Variants in P3H1 observed in about 807,000 individuals in gnomAD.
P3H1 encodes the protein growth suppressor 1.
In P3H1, 69 loss-of-function variants were observed where a neutral mutation model predicts 84.0. The ratio of observed to expected loss-of-function variants is 0.82; its 90% CI spans 0.68 to 1.00. The LOEUF is 1.00. Among genes scored for constraint, P3H1 ranks in the 50% least tolerant of loss-of-function variants. P3H1 has a pLI of 0.00. For synonymous variants in P3H1, 366 were observed against 388.8 expected (o/e 0.94, Z 0.69); for missense variants, 878 against 962.8 (o/e 0.91, Z 1.17).
rs1259420483 is a variant in P3H1, at chr1:42,766,659, G to A, written c.313C>T (p.Arg105Cys). ...AGGCCCCCGAAGAAGCTCAGGTCGC[G>A]CAGGGCGGCGGCGCCCGAGGCCTGG... is the stretch of plus-strand genomic sequence containing the variant. The part of the protein sequence containing the change: ...PAQASGAAAL[R>C]DLSFFGGLLR... The change falls in exon 1 of 15, where the codon CGC becomes TGC. Residue 105 changes from arginine (R) to cysteine (C), a missense_variant. Coordinates refer to ENST00000296388, the MANE Select transcript of P3H1 (RefSeq NM_022356.4). 2 of 1,552,894 alleles carry A rather than the reference G, an allele frequency of 1.3e-6. No homozygotes were observed. The highest frequency in any genetic ancestry group is 1.4e-5 in the African/African-American group (1 of 73,086).
rs775108203 is a variant in P3H1, at chr1:42,757,861, G to A, written c.1002C>T (p.Asp334=). Residue 334 remains aspartate (D), a synonymous_variant, in exon 5 of 15, where the codon GAC becomes GAT. Coordinates refer to ENST00000296388, the MANE Select transcript of P3H1 (RefSeq NM_022356.4). ...AGGCCAAATTTTGGTTCATCACCTC[G>A]TCATTGGGGAAGAAGAGAAGATAGG... ...AKTYLLFFPN[D]EVMNQNLAYY... is the part of the protein sequence containing the mutation. 6.8e-6 allele frequency: 11 copies of A among 1,614,158 alleles called. No individual in the cohort carries two copies. The highest frequency in any genetic ancestry group is 2.7e-5 in the African/African-American group (2 of 75,022).
intron 10 of P3H1, among the ~76,000 whole-genome samples, chr1:42,750,709 G>C (rs1233987710): frequency 8.5e-6 from 1 of 118,162 alleles, no homozygotes. Flanking sequence ...TCAGCCCCCC[G>C]CCCGGCCGGC....
chr1:42,763,672 C>CAAAAAAA (rs766034061), intron 1 of P3H1, among the ~76,000 whole-genome samples: 6 of 41,524 alleles, frequency 1.4e-4, no homozygotes, highest in Non-Finnish European at 2.0e-4. Flanking sequence ...ACTCTTGTCT[C>CAAAAAAA]AAAAAAAAAA....
Position 42,754,923 on chromosome 1 carries a change from G to A in P3H1, c.1291C>T (p.Leu431Phe). 1.2e-6 allele frequency: 2 copies of A among 1,614,170 alleles called. No homozygotes were observed. The highest frequency in any genetic ancestry group is 8.5e-7 in the Non-Finnish European group (1 of 1,180,032). ...IGNLMKEIET[L>F]VEEKTKESLD... ...GACTCCTTGGTCTTCTCTTCCACAA[G>A]GGTCTCGATTTCCTTCATAAGGTTC... Residue 431 changes from leucine (L) to phenylalanine (F), a missense_variant, in exon 8 of 15, where the codon CTT becomes TTT. Physicochemically the swap from Leu to Phe is conservative, Grantham distance 22. Coordinates refer to ENST00000296388, the MANE Select transcript of P3H1 (RefSeq NM_022356.4). The surrounding 1 kb of genome is among the most constrained non-coding windows in gnomAD (Gnocchi z 4.0).
Position 42,766,638 on chromosome 1 carries a change from C to T in P3H1, c.334G>A (p.Gly112Ser), listed in dbSNP as rs760615294. 44 of 1,588,116 alleles carry T rather than the reference C, an allele frequency of 2.8e-5. No homozygotes were observed. In the South Asian group the frequency reaches 3.1e-4, roughly 11 times the overall value. The change falls in exon 1 of 15, where the codon GGC becomes AGC. Residue 112 changes from glycine (G) to serine (S), a missense_variant. By Grantham distance (56) the Gly-to-Ser change is moderately conservative. Transcript: ENST00000296388. ...AGGCAGGCAGCGCGACGCAGAAGGC[C>T]CCCGAAGAAGCTCAGGTCGCGCAGG... ...AALRDLSFFG[G>S]LLRRAACLRR... is the part of the protein sequence containing the mutation.
chr1:42,750,586 GCCGCCC>G (rs1651983049), intron 10 of P3H1, among the ~76,000 whole-genome samples: 3 of 150,042 alleles, frequency 2.0e-5, no homozygotes, highest in African/African-American at 7.4e-5. Context: ...CCTCTGCCCG[GCCGCCC>G]CTACTGGGAA....
chr1:42,752,340 C>T lies in P3H1; in HGVS notation c.1503G>A (p.Arg501=), dbSNP rs1468468453. 1 of 1,614,166 alleles carries T rather than the reference C, an allele frequency of 6.2e-7. No homozygotes were observed. Among genetic ancestry groups the T allele is most frequent in the Non-Finnish European group, 8.5e-7 (1 of 1,180,048 alleles). The change falls in exon 10 of 15, where the codon CGG becomes CGA. Residue 501 remains arginine (R), a synonymous_variant. Coordinates refer to ENST00000296388, the MANE Select transcript of P3H1 (RefSeq NM_022356.4). ...NVAATSGDGY[R]GQTSPHTPNE... is the part of the protein sequence containing the mutation. The stretch of plus-strand genomic sequence containing the variant: ...TGGGAGTATGTGGGGAGGTCTGACC[C>T]CGGTAGCCATCTCCTGAGGTTGCTG...
chr1:42,748,253 G>A lies in P3H1; in HGVS notation c.1785C>T (p.Ala595=), dbSNP rs369763531. 7.1e-5 allele frequency: 114 copies of A among 1,613,860 alleles called. 1 individual carries two copies. The highest frequency in any genetic ancestry group is 4.5e-4 in the African/African-American group (34 of 74,880). Reference sequence around the variant, plus strand: ...GCTCTTTGACACACACGAGGGTCTCGGCATTCAGGATGCAGTTGTCCACGT... The same window carrying A: ...GCTCTTTGACACACACGAGGGTCTCAGCATTCAGGATGCAGTTGTCCACGT... ...PVHVDNCILN[A]ETLVCVKEPP... is the part of the protein sequence containing the mutation. The change falls in exon 12 of 15, where the codon GCC becomes GCT. Residue 595 remains alanine, a synonymous_variant. Coordinates refer to ENST00000296388, the MANE Select transcript of P3H1 (RefSeq NM_022356.4).
chr1:42,751,787 G>A lies in P3H1; in HGVS notation c.1569+487C>T, dbSNP rs187732832. Reference sequence around the variant, plus strand: ...TTTCTTTTGTAAATTGCCCAGTCTCGGGTACGTCTTTATCAGCAGTGTGAA... The same window carrying A: ...TTTCTTTTGTAAATTGCCCAGTCTCAGGTACGTCTTTATCAGCAGTGTGAA... On this transcript the variant is annotated intron_variant, in intron 10 of 14. Coordinates refer to ENST00000296388, the MANE Select transcript of P3H1 (RefSeq NM_022356.4). The A allele has an allele frequency of 7.0e-3, 1,388 of 197,318 alleles. 8 individuals carry two copies. The highest frequency in any genetic ancestry group is 9.8e-3 in the Non-Finnish European group (911 of 93,358). The allele number at this position is 197,318 out of a possible 1,614,324, so 12.2% of individuals were successfully genotyped here. A position where few individuals can be genotyped will look rare whatever the true frequency, so the allele number is the denominator to read the frequency against.
Position 42,766,753 on chromosome 1 carries a change from C to G in P3H1, c.219G>C (p.Leu73=), listed in dbSNP as rs191472592. 1.6e-4 allele frequency: 250 copies of G among 1,586,480 alleles called. 3 individuals are homozygous for G. In the East Asian group the frequency reaches 5.7e-3, roughly 36 times the overall value. The change falls in exon 1 of 15, where the codon CTG becomes CTC. Residue 73 remains leucine, a synonymous_variant. Coordinates refer to ENST00000296388, the MANE Select transcript of P3H1 (RefSeq NM_022356.4). ...RSRAALRALR[L]RCRTQCAADF... ...CGGCGGCACACTGGGTGCGGCAGCG[C>G]AGGCGAAGGGCGCGGAGGGCTGCCC...
Position 42,747,580 on chromosome 1 carries a change from C to A in P3H1, c.1914+143G>T, listed in dbSNP as rs903906025. 1.3e-5 allele frequency: 14 copies of A among 1,101,688 alleles called. No homozygotes were observed. In the African/African-American group the frequency reaches 2.0e-4, roughly 16 times the overall value. The allele number at this position is 1,101,688 out of a possible 1,614,324, so 68.2% of individuals were successfully genotyped here. On this transcript the variant is annotated intron_variant, in intron 13 of 14. Transcript: ENST00000296388. Reference sequence around the variant, plus strand: ...TGACTGGTTAGAGGAGTGATGGACACGTCTCAAAGCCCCTCTGGATGGGGG... The same window carrying A: ...TGACTGGTTAGAGGAGTGATGGACAAGTCTCAAAGCCCCTCTGGATGGGGG...
chr1:42,762,009 TA>T (rs1285498632), intron 2 of P3H1: 5 of 259,158 alleles, frequency 1.9e-5, no homozygotes, highest in African/African-American at 1.1e-4. Flanking sequence ...AAGGTGGCGG[TA>T]TTACAAATGA....
At chr1:42,765,178 T>G (rs1652923777) in intron 1 of P3H1, among the ~76,000 whole-genome samples, 1 of 152,228 alleles carries the variant, frequency 6.6e-6, no homozygotes. Flanking sequence ...ATCTCGACAT[T>G]GCAATCACAA....
Position 42,754,793 on chromosome 1 carries a change from G to A in P3H1, c.1345+76C>T, listed in dbSNP as rs905457573. On this transcript the variant is annotated intron_variant, in intron 8 of 14. Transcript: ENST00000296388. This position sits in a 1 kb window ranked among gnomAD's most constrained non-coding sequence, Gnocchi z 4.0. ...GAGCTCTGCAATGCTGGGGTGGAGCGCTGCCTGGCAAATGTGGGGTGACCT... is the reference window on the plus strand; with the variant it reads ...GAGCTCTGCAATGCTGGGGTGGAGCACTGCCTGGCAAATGTGGGGTGACCT... 22 of 1,597,526 alleles carry A rather than the reference G, an allele frequency of 1.4e-5. No individual in the cohort carries two copies. The East Asian group carries it at 2.0e-4, about 15-fold the overall frequency.
rs536441266 is a variant in P3H1 at position 42,747,653 on chromosome 1, C to T, written c.1914+70G>A. ...CCCAGTTGGTTATTTTTGTCCACTGCACTTTGGGAACATCAGCTGTAGAAA... is the reference window on the plus strand; with the variant it reads ...CCCAGTTGGTTATTTTTGTCCACTGTACTTTGGGAACATCAGCTGTAGAAA... On this transcript the variant is annotated intron_variant, in intron 13 of 14. Transcript: ENST00000296388. 28 of 1,551,624 alleles carry T rather than the reference C, an allele frequency of 1.8e-5. No homozygotes were observed. The Admixed American group carries it at 4.7e-4, about 26-fold the overall frequency.
chr1:42,759,957 C>T (rs1178919257), intron 2 of P3H1: 1 of 154,578 alleles, frequency 6.5e-6, no homozygotes, highest in Non-Finnish European at 1.4e-5. Context: ...TTTCTTCCCC[C>T]CCCATTAGTG....
intron 5 of P3H1, among the ~76,000 whole-genome samples, chr1:42,757,175 A>G (rs1652445315): frequency 6.6e-6 from 1 of 152,188 alleles, no homozygotes. Flanking sequence ...GCTAAAGAGG[A>G]CAACTACAAT....
At chr1:42,762,172 G>A (rs1363906044) in intron 2 of P3H1, 151 bp downstream of exon 2, 9 of 743,172 alleles carry the variant, frequency 1.2e-5, no homozygotes, top group South Asian at 1.1e-4. Flanking sequence ...TCAGGAGGCC[G>A]AGACTAGAGG....
intron 8 of P3H1, among the ~76,000 whole-genome samples, chr1:42,753,604 G>C (rs1476869527): frequency 6.6e-6 from 1 of 152,070 alleles, no homozygotes; most frequent in Non-Finnish European, 1.5e-5. Flanking sequence ...AGAAAGGAGG[G>C]GACTCCAATC....
Sources: allele counts gnomAD v4.1 joint callset (sites outside exome capture counted in the v4.1 genomes callset), GRCh38; gene constraint gnomAD v4.1.1; non-coding constraint Gnocchi (gnomAD v3.1); transcripts MANE v1.5; gene names NCBI Gene and HGNC (gene_info 2026-07-23, HGNC 2026-07-21).